Variants in SPACA6 observed in about 807,000 individuals in gnomAD.
SPACA6 encodes sperm acrosome associated 6.
For synonymous variants in SPACA6, 6 were observed against 1.5 expected (o/e 4.05, Z -2.21); for missense variants, 8 against 2.8 (o/e 2.88, Z -1.34).
intron 2 of SPACA6, among the ~76,000 whole-genome samples, chr19:51,698,507 C>A (rs888692986): frequency 1.3e-5 from 2 of 152,130 alleles, no homozygotes; most frequent in African/African-American, 4.8e-5. Context: ...TTGGATGACT[C>A]CTCCAACATC....
chr19:51,706,954 C>G (rs1200437411), downstream of SPACA6, among the ~76,000 whole-genome samples: 1 of 152,234 alleles, frequency 6.6e-6, no homozygotes, highest in Non-Finnish European at 1.5e-5. Context: ...AGCCACCGCT[C>G]CCAGCCGTTA....
At chr19:51,689,631 G>A (rs1381034609), upstream of SPACA6, 1 of 148,186 alleles carries the variant, frequency 6.7e-6, no homozygotes, top group Non-Finnish European at 1.5e-5. Flanking sequence ...GCACTCCTGG[G>A]TCCCTGAGGG....
intron 8 of SPACA6, 150 bp from the exon 9 acceptor site, chr19:51,704,940 A>G: frequency 2.9e-6 from 1 of 346,318 alleles, no homozygotes; most frequent in Non-Finnish European, 5.0e-6. Context: ...CTTCCTTCAG[A>G]CCCAAAAGCC....
chr19:51,699,361 A>G (rs1029762154), intron 2 of SPACA6, among the ~76,000 whole-genome samples: 2 of 152,160 alleles, frequency 1.3e-5, no homozygotes, highest in African/African-American at 4.8e-5. Flanking sequence ...TATGGCTACA[A>G]CTTGGTCACA....
upstream of SPACA6, among the ~76,000 whole-genome samples, chr19:51,691,472 G>C (rs548041544): frequency 6.6e-6 from 1 of 150,994 alleles, no homozygotes; most frequent in East Asian, 2.0e-4. Context: ...AGGGGGAAGG[G>C]GGAGAAGGGG....
upstream of SPACA6, chr19:51,692,692 C>T (rs1301560560): frequency 3.8e-6 from 2 of 533,274 alleles, no homozygotes; most frequent in African/African-American, 1.9e-5. This position sits in a 1 kb window ranked among gnomAD's most constrained non-coding sequence, Gnocchi z 5.6. Context: ...GGGGGCTCAC[C>T]ATCGCGGCTG....
Position 51,694,594 on chromosome 19 carries a change from T to C in SPACA6, c.292+39T>C, listed in dbSNP as rs1397361873. On this transcript the variant is annotated intron_variant, in intron 2 of 8. Coordinates refer to ENST00000637797, the MANE Select transcript of SPACA6 (RefSeq NM_001316972.2). ...GATGGGGAGATGGGAGATGTGGACTTGGAGCCCCTAAGAAATGGGTATGTG... is the reference window on the plus strand; with the variant it reads ...GATGGGGAGATGGGAGATGTGGACTCGGAGCCCCTAAGAAATGGGTATGTG... 3.3e-5 allele frequency: 13 copies of C among 399,312 alleles called. No homozygotes were observed. In the East Asian group the frequency reaches 4.6e-4, roughly 14 times the overall value. 24.7% of individuals were successfully genotyped at this position (399,312 alleles called of 1,614,324 possible).
chr19:51,688,919 G>A (rs1054146228), upstream of SPACA6, among the ~76,000 whole-genome samples: 1 of 135,178 alleles, frequency 7.4e-6, no homozygotes, highest in African/African-American at 2.8e-5. Context: ...GAGAGAGAGA[G>A]AACGAGAGAG....
upstream of SPACA6, chr19:51,692,557 TG>T: frequency 2.0e-6 from 1 of 495,556 alleles, no homozygotes. The surrounding 1 kb of genome is among the most constrained non-coding windows in gnomAD (Gnocchi z 5.6). Context: ...GCTGAGGGCC[TG>T]GACTCCTGGG....
At chr19:51,685,671 C>CCTG (rs2083325035), upstream of SPACA6, 1 of 152,056 alleles carries the variant, frequency 6.6e-6, no homozygotes, top group South Asian at 2.1e-4. Flanking sequence ...ATCACCATGC[C>CCTG]CTGCTAAGTT....
chr19:51,698,229 G>A (rs553247196), intron 2 of SPACA6, among the ~76,000 whole-genome samples: 9 of 152,190 alleles, frequency 5.9e-5, no homozygotes, highest in African/African-American at 1.9e-4. Context: ...TGCTCAAGAC[G>A]GAAGCACCAG....
chr19:51,711,890 G>C (rs1374112836), intron 2 of SPACA6: 1 of 152,262 alleles, frequency 6.6e-6, no homozygotes, highest in Non-Finnish European at 1.5e-5. Context: ...ATAAAGGGGT[G>C]AGAAAGGAGA....
upstream of SPACA6, chr19:51,686,589 A>G (rs1392068987): frequency 6.6e-6 from 1 of 151,330 alleles, no homozygotes; most frequent in Non-Finnish European, 1.5e-5. Context: ...ACAAGTTTAA[A>G]TGTACCCAGT....
At chr19:51,704,573 G>C (rs1212119531) in intron 8 of SPACA6, 93 bp downstream of exon 8, 1 of 399,768 alleles carries the variant, frequency 2.5e-6, no homozygotes, top group Admixed American at 4.4e-5. Context: ...CTCCAACCCA[G>C]GAGGTCAGGC....
chr19:51,692,596 C>G (rs543867276), upstream of SPACA6: 1 of 521,272 alleles, frequency 1.9e-6, no homozygotes, highest in Non-Finnish European at 3.9e-6. This position sits in a 1 kb window ranked among gnomAD's most constrained non-coding sequence, Gnocchi z 5.6. Context: ...GCCGGGGGCC[C>G]GGACTCCTGG....
chr19:51,691,302 A>T (rs1464666804), upstream of SPACA6, among the ~76,000 whole-genome samples: 2 of 151,232 alleles, frequency 1.3e-5, no homozygotes, highest in South Asian at 2.1e-4. Context: ...GGAGAGAGAC[A>T]GAGACTGAGA....
At chr19:51,711,061 C>T (rs2083539000) in intron 2 of SPACA6, among the ~76,000 whole-genome samples, 1 of 152,056 alleles carries the variant, frequency 6.6e-6, no homozygotes, top group Non-Finnish European at 1.5e-5. Context: ...GCCTGGGCGA[C>T]AGAGCAAGAC....
At chr19:51,689,891 G>A (rs1423909717), upstream of SPACA6, among the ~76,000 whole-genome samples, 5 of 151,898 alleles carry the variant, frequency 3.3e-5, no homozygotes, top group Non-Finnish European at 5.9e-5. Context: ...CCTCGGGGGA[G>A]GTGGAGGAAG....
At chr19:51,711,227 G>C (rs1231998177) in intron 2 of SPACA6, among the ~76,000 whole-genome samples, 1 of 152,216 alleles carries the variant, frequency 6.6e-6, no homozygotes. Flanking sequence ...GACAAGAGCA[G>C]TTTCTATGGA....
Sources: gnomAD v4.1 joint callset for allele counts (sites outside exome capture counted in the v4.1 genomes callset) on GRCh38, gnomAD v4.1.1 for gene constraint, Gnocchi (gnomAD v3.1) non-coding constraint, MANE v1.5 for transcripts, NCBI Gene and HGNC (gene_info 2026-07-23, HGNC 2026-07-21) for gene names.